Variants in TSHZ2 observed in about 807,000 individuals in gnomAD.
The protein encoded by TSHZ2 is teashirt homolog 2.
Under a neutral mutation model 74.4 loss-of-function variants are expected in TSHZ2, and 21 were observed. That is an observed-to-expected ratio of 0.28 (90% CI 0.20 to 0.41). TSHZ2 has a LOEUF of 0.41. Among genes scored for constraint, TSHZ2 ranks in the 10% least tolerant of loss-of-function variants. The pLI, the probability that TSHZ2 is intolerant of heterozygous loss-of-function variation, is 1.00. For missense variants in TSHZ2, 1,244 were observed against 1,293.5 expected (o/e 0.96, Z 0.59); for synonymous variants, 540 against 515.3 (o/e 1.05, Z -0.65).
intron 1 of TSHZ2, among the ~76,000 whole-genome samples, chr20:53,062,557 T>C (rs910935465): frequency 1.3e-5 from 2 of 152,192 alleles, no homozygotes; most frequent in African/African-American, 4.8e-5. Context: ...CCTTTCAACT[T>C]TTCCTCTGCA....
chr20:53,194,400 T>C (rs1988809833), intron 1 of TSHZ2, among the ~76,000 whole-genome samples: 1 of 152,248 alleles, frequency 6.6e-6, no homozygotes, highest in African/African-American at 2.4e-5. Flanking sequence ...ACGTACATTA[T>C]TGGGAGAGTG....
At chr20:53,196,088 C>A (rs2123558828) in intron 1 of TSHZ2, 1 of 152,266 alleles carries the variant, frequency 6.6e-6, no homozygotes, top group African/African-American at 2.4e-5. Flanking sequence ...AAGTCAGCTA[C>A]TGACTGCCAT....
intron 1 of TSHZ2, among the ~76,000 whole-genome samples, chr20:53,049,934 T>C (rs1034285933): frequency 6.6e-6 from 1 of 151,368 alleles, no homozygotes; most frequent in Non-Finnish European, 1.5e-5. Context: ...ATACAAAAAT[T>C]GGCCTGGCTT....
intron 1 of TSHZ2, among the ~76,000 whole-genome samples, chr20:52,984,406 A>G (rs1205632297): frequency 6.6e-6 from 1 of 152,200 alleles, no homozygotes; most frequent in Non-Finnish European, 1.5e-5. Flanking sequence ...CGATCAGGAA[A>G]GGTACCCGTC....
intron 2 of TSHZ2, among the ~76,000 whole-genome samples, chr20:53,447,112 T>A (rs1984582871): frequency 6.6e-6 from 1 of 152,216 alleles, no homozygotes; most frequent in South Asian, 2.1e-4. Flanking sequence ...AGAATATAGA[T>A]CAGAGACTGC....
intron 1 of TSHZ2, 136 bp downstream of exon 1, chr20:52,973,469 C>T (rs1981208562): frequency 1.7e-6 from 2 of 1,146,692 alleles, no homozygotes; most frequent in Non-Finnish European, 1.2e-6. Flanking sequence ...TCTAATAACC[C>T]CGTCCTCTCT....
At chr20:53,280,885 G>C (rs954415854) in intron 2 of TSHZ2, among the ~76,000 whole-genome samples, 2 of 152,062 alleles carry the variant, frequency 1.3e-5, no homozygotes, top group Non-Finnish European at 2.9e-5. Flanking sequence ...GTAAAGATAG[G>C]GTTTCCCTGT....
At chr20:53,287,320 C>A (rs1183427211) in intron 2 of TSHZ2, among the ~76,000 whole-genome samples, 1 of 152,140 alleles carries the variant, frequency 6.6e-6, no homozygotes, top group East Asian at 1.9e-4. Context: ...CCCACTCTAC[C>A]TTGAGCCTCA....
chr20:53,346,080 T>G (rs994175156), intron 2 of TSHZ2, among the ~76,000 whole-genome samples: 2 of 152,180 alleles, frequency 1.3e-5, no homozygotes, highest in Non-Finnish European at 2.9e-5. Context: ...TGTCACACAT[T>G]GTCTAGAGAA....
chr20:53,238,062 C>A (rs532600024), intron 1 of TSHZ2, among the ~76,000 whole-genome samples: 12 of 152,074 alleles, frequency 7.9e-5, no homozygotes, highest in Admixed American at 3.9e-4. Context: ...TACTAACATG[C>A]CTTTGTGTTC....
At chr20:53,118,756 A>G (rs1986734436) in intron 1 of TSHZ2, among the ~76,000 whole-genome samples, 1 of 152,068 alleles carries the variant, frequency 6.6e-6, no homozygotes, top group Admixed American at 6.6e-5. Flanking sequence ...GAATGGCCAC[A>G]CCAGAAAGGC....
At chr20:53,093,559 A>C (rs923157671) in intron 1 of TSHZ2, among the ~76,000 whole-genome samples, 2 of 152,168 alleles carry the variant, frequency 1.3e-5, no homozygotes, top group Non-Finnish European at 1.5e-5. Context: ...GGACATTTAC[A>C]TGCCACTTTC....
intron 1 of TSHZ2, among the ~76,000 whole-genome samples, chr20:53,089,341 T>TTTTTTTTTTTTTTTTTTTTTTTTTTTTTA (rs370108566): frequency 7.7e-6 from 1 of 129,742 alleles, no homozygotes; most frequent in Non-Finnish European, 1.6e-5. Flanking sequence ...TTTTTTTTTT[T>TTTTTTTTTTTTTTTTTTTTTTTTTTTTTA]ATTAAACAGA....
At chr20:53,453,760 G>A (rs1056533784) in intron 2 of TSHZ2, among the ~76,000 whole-genome samples, 9 of 152,260 alleles carry the variant, frequency 5.9e-5, no homozygotes, top group South Asian at 2.1e-4. Context: ...GGACAAACTC[G>A]AAGCTTTAGA....
At chr20:53,194,499 A>G (rs1192975338) in intron 1 of TSHZ2, among the ~76,000 whole-genome samples, 1 of 152,198 alleles carries the variant, frequency 6.6e-6, no homozygotes, top group Non-Finnish European at 1.5e-5. Context: ...GACTTTCAGC[A>G]TCATCCATCA....
intron 1 of TSHZ2, among the ~76,000 whole-genome samples, chr20:53,095,157 T>A (rs1454216129): frequency 6.6e-6 from 1 of 152,206 alleles, no homozygotes; most frequent in Non-Finnish European, 1.5e-5. Context: ...TTAAATTACA[T>A]CACAAAGGTT....
At chr20:53,022,641 A>C (rs1207462329) in intron 1 of TSHZ2, among the ~76,000 whole-genome samples, 1 of 152,100 alleles carries the variant, frequency 6.6e-6, no homozygotes, top group Non-Finnish European at 1.5e-5. Context: ...CTATCTGCAA[A>C]TCCATAGTTG....
At chr20:53,068,174 A>T (rs1049133104) in intron 1 of TSHZ2, among the ~76,000 whole-genome samples, 1 of 152,178 alleles carries the variant, frequency 6.6e-6, no homozygotes, top group African/African-American at 2.4e-5. Context: ...CTTCTGAATA[A>T]CGTCATATTC....
intron 2 of TSHZ2, among the ~76,000 whole-genome samples, chr20:53,424,375 G>A (rs1390567062): frequency 2.0e-5 from 3 of 152,190 alleles, no homozygotes; most frequent in Non-Finnish European, 4.4e-5. Context: ...GCTATGAAAT[G>A]AGAATAACAA....
Sources: gnomAD v4.1 joint callset for allele counts (sites outside exome capture counted in the v4.1 genomes callset) on GRCh38, gnomAD v4.1.1 for gene constraint, MANE v1.5 for transcripts, NCBI Gene and HGNC (gene_info 2026-07-23, HGNC 2026-07-21) for gene names.